PCDHGA7: variants seen among roughly 807,000 people sequenced by gnomAD.
The protein encoded by PCDHGA7 is protocadherin gamma-A7.
PCDHGA7 carries 44 observed loss-of-function variants against 58.3 expected under a neutral mutation model. The ratio of observed to expected loss-of-function variants is 0.75; its 90% CI spans 0.59 to 0.97. The LOEUF (loss-of-function observed/expected upper bound fraction) is 0.97, where lower values mean the gene tolerates loss of function less well. PCDHGA7 is among the 50% of genes least tolerant of loss of function. PCDHGA7 has a pLI of 0.00. For missense variants in PCDHGA7, 1,266 were observed against 1,188.7 expected (o/e 1.06, Z -0.96); for synonymous variants, 516 against 504.2 (o/e 1.02, Z -0.31).
intron 1 of PCDHGA7, among the ~76,000 whole-genome samples, chr5:141,467,735 C>T (rs557555571): frequency 3.3e-5 from 5 of 152,182 alleles, no homozygotes; most frequent in East Asian, 3.9e-4. Flanking sequence ...AATCCCAGCT[C>T]GCTGCAACCT....
At chr5:141,471,046 C>G (rs960750377) in intron 1 of PCDHGA7, among the ~76,000 whole-genome samples, 3 of 113,280 alleles carry the variant, frequency 2.6e-5, no homozygotes, top group African/African-American at 1.1e-4. Context: ...CCCAAGCCCT[C>G]TTTTTTTTTT....
intron 1 of PCDHGA7, among the ~76,000 whole-genome samples, chr5:141,435,308 A>G (rs2097757210): frequency 6.6e-6 from 1 of 152,186 alleles, no homozygotes; most frequent in African/African-American, 2.4e-5. Flanking sequence ...GTTTTAAATC[A>G]TTCATGAACT....
In PCDHGA7 at chr5:141,431,538, A is replaced by G; in HGVS notation, c.2424+46215A>G. ...CCGGAGAATCTGGCCTTGGGCACGC[A>G]GCTGCTTGTAGTCAACGCTACCGAC... is the stretch of plus-strand genomic sequence containing the variant. On this transcript the variant is annotated intron_variant, in intron 1 of 3. Transcript: ENST00000518325. The surrounding 1 kb of genome is among the most constrained non-coding windows in gnomAD (Gnocchi z 4.8). The G allele has an allele frequency of 6.2e-7, 1 of 1,614,114 alleles. No individual in the cohort carries two copies. Among genetic ancestry groups the G allele is most frequent in the Non-Finnish European group, 8.5e-7 (1 of 1,180,024 alleles).
chr5:141,477,184 C>T lies in PCDHGA7; in HGVS notation c.2425-17623C>T. On this transcript the variant is annotated intron_variant, in intron 1 of 3. Coordinates refer to ENST00000518325, the MANE Select transcript of PCDHGA7 (RefSeq NM_018920.4). The surrounding 1 kb of genome is among the most constrained non-coding windows in gnomAD (Gnocchi z 4.9). ...ACGCCCCGGAGATCACAGTCACCTC[C>T]GTGTACAGCCCAGTACCCGAGGATG... The T allele has an allele frequency of 3.7e-6, 6 of 1,614,178 alleles. No individual in the cohort carries two copies. Among genetic ancestry groups the T allele is most frequent in the Non-Finnish European group, 5.1e-6 (6 of 1,180,032 alleles).
At chr5:141,392,879 G>A in intron 1 of PCDHGA7, 2 of 1,613,512 alleles carry the variant, frequency 1.2e-6, no homozygotes, top group South Asian at 1.1e-5. Flanking sequence ...TGCTGGGAAC[G>A]CTGTGGGAAA....
chr5:141,442,232 T>A (rs1303447766), intron 1 of PCDHGA7: 2 of 153,276 alleles, frequency 1.3e-5, no homozygotes, highest in Non-Finnish European at 2.9e-5. Context: ...TTCCTTTTTA[T>A]TCTTCCTGAT....
In PCDHGA7 at chr5:141,432,373, G is replaced by T; in HGVS notation, c.2424+47050G>T. ...TGAAAGTGATGGCGCGGGACAACGG[G>T]CACCCGCCCCTCAGCAGCAACGTGT... is the stretch of plus-strand genomic sequence containing the variant. On this transcript the variant is annotated intron_variant, in intron 1 of 3. Coordinates refer to ENST00000518325, the MANE Select transcript of PCDHGA7 (RefSeq NM_018920.4). This position sits in a 1 kb window ranked among gnomAD's most constrained non-coding sequence, Gnocchi z 6.0. The T allele has an allele frequency of 6.2e-7, 1 of 1,614,206 alleles. No homozygotes were observed. The highest frequency in any genetic ancestry group is 1.1e-5 in the South Asian group (1 of 91,082).
At chr5:141,445,312 T>C (rs1419229431) in intron 1 of PCDHGA7, among the ~76,000 whole-genome samples, 2 of 152,194 alleles carry the variant, frequency 1.3e-5, no homozygotes, top group African/African-American at 4.8e-5. Context: ...AGTTTGTAGG[T>C]TGAGAGAACC....
At chr5:141,444,205 CTT>C in intron 1 of PCDHGA7, among the ~76,000 whole-genome samples, 1 of 77,932 alleles carries the variant, frequency 1.3e-5, no homozygotes. Context: ...GAGTTTCACT[CTT>C]GTTGCCCAGG....
In PCDHGA7 at chr5:141,409,580, C is replaced by T. The variant is rs969743613; in HGVS notation, c.2424+24257C>T. The T allele has an allele frequency of 3.7e-6, 6 of 1,613,922 alleles. No homozygotes were observed. The Admixed American group carries it at 8.3e-5, about 22-fold the overall frequency. The stretch of plus-strand genomic sequence containing the variant: ...TTTCGACCAGACGTCCTACGTGGTC[C>T]ACGTGGCCGAGAACAACCCGCCAGG... On this transcript the variant is annotated intron_variant, in intron 1 of 3. Transcript: ENST00000518325.
chr5:141,405,621 C>T lies in PCDHGA7; in HGVS notation c.2424+20298C>T, dbSNP rs2094693815. 9.2e-6 allele frequency: 5 copies of T among 543,194 alleles called. No individual in the cohort carries two copies. In the South Asian group the frequency reaches 1.0e-4, roughly 11 times the overall value. 33.6% of individuals were successfully genotyped at this position (543,194 alleles called of 1,614,324 possible). ...AGTAGAATAACTGGGACTACAGGCA[C>T]GTGCCACCACGCCCGGCTAATTTTT... On this transcript the variant is annotated intron_variant, in intron 1 of 3. Coordinates refer to ENST00000518325, the MANE Select transcript of PCDHGA7 (RefSeq NM_018920.4).
intron 1 of PCDHGA7, chr5:141,385,839 AT>A (rs758941967): frequency 8.1e-4 from 124 of 153,978 alleles, no homozygotes; most frequent in Admixed American, 2.3e-3. Context: ...CAGTATAATC[AT>A]TTATTAATGG....
At chr5:141,443,383 G>A (rs1302172660) in intron 1 of PCDHGA7, among the ~76,000 whole-genome samples, 1 of 152,130 alleles carries the variant, frequency 6.6e-6, no homozygotes, top group Non-Finnish European at 1.5e-5. Flanking sequence ...TACTTGGGAG[G>A]CTGAGGTGTG....
chr5:141,436,095 GA>G (rs2097795730), intron 1 of PCDHGA7, among the ~76,000 whole-genome samples: 2 of 152,112 alleles, frequency 1.3e-5, no homozygotes, highest in Non-Finnish European at 2.9e-5. Context: ...AATATTGAGA[GA>G]AATAGAGGAC....
intron 1 of PCDHGA7, chr5:141,393,180 A>G: frequency 6.2e-7 from 1 of 1,613,356 alleles, no homozygotes; most frequent in South Asian, 1.1e-5. Context: ...AGAAATAGAA[A>G]TAATTGATAT....
chr5:141,489,846 T>C lies in PCDHGA7; in HGVS notation c.2425-4961T>C. The C allele has an allele frequency of 6.2e-7, 1 of 1,614,190 alleles. No individual in the cohort carries two copies. The highest frequency in any genetic ancestry group is 1.1e-5 in the South Asian group (1 of 91,088). ...TGGTGCTAGAGCAGCAGCTGGATCG[T>C]GAAGCCCAGGCAAGACATCAGCTGG... is the stretch of plus-strand genomic sequence containing the variant. On this transcript the variant is annotated intron_variant, in intron 1 of 3. Coordinates refer to ENST00000518325, the MANE Select transcript of PCDHGA7 (RefSeq NM_018920.4). This position sits in a 1 kb window ranked among gnomAD's most constrained non-coding sequence, Gnocchi z 4.5.
intron 2 of PCDHGA7, among the ~76,000 whole-genome samples, chr5:141,499,265 C>T (rs1220250999): frequency 6.6e-6 from 1 of 152,128 alleles, no homozygotes; most frequent in African/African-American, 2.4e-5. Context: ...CATTTGGTCC[C>T]TAGACTGTTC....
chr5:141,405,339 A>T (rs980651625), intron 1 of PCDHGA7: 12 of 1,614,060 alleles, frequency 7.4e-6, no homozygotes, highest in Non-Finnish European at 1.0e-5. Context: ...GTCTCTGTTG[A>T]TTCCAAGTTT....
intron 1 of PCDHGA7, among the ~76,000 whole-genome samples, chr5:141,464,300 A>G (rs1349155102): frequency 2.0e-5 from 3 of 149,898 alleles, no homozygotes; most frequent in East Asian, 1.9e-4. Context: ...ACTCCATTGT[A>G]TGTGCACATA....
Sources: gnomAD v4.1 joint callset for allele counts (sites outside exome capture counted in the v4.1 genomes callset) on GRCh38, gnomAD v4.1.1 for gene constraint, Gnocchi (gnomAD v3.1) non-coding constraint, MANE v1.5 for transcripts, NCBI Gene and HGNC (gene_info 2026-07-23, HGNC 2026-07-21) for gene names.